The following HNRNPM variants were observed in gnomAD, a reference collection of about 807,000 sequenced individuals.
HNRNPM encodes heterogeneous nuclear ribonucleoprotein M.
Under a neutral mutation model 73.1 loss-of-function variants are expected in HNRNPM, and 11 were observed. That is an observed-to-expected ratio of 0.15 (90% CI 0.09 to 0.25). HNRNPM has a LOEUF of 0.25. Among genes scored for constraint, HNRNPM ranks in the 10% least tolerant of loss-of-function variants. The pLI, the probability that HNRNPM is intolerant of heterozygous loss-of-function variation, is 1.00. For synonymous variants in HNRNPM, 407 were observed against 355.2 expected (o/e 1.15, Z -1.64); for missense variants, 789 against 1,067.9 (o/e 0.74, Z 3.64).
intron 12 of HNRNPM, among the ~76,000 whole-genome samples, chr19:8,479,340 A>G (rs1297796932): frequency 2.0e-5 from 3 of 151,766 alleles, no homozygotes. Context: ...CTGCCTCCCA[A>G]AGTGCTAGGA....
chr19:8,485,244 CT>C (rs1971194595), intron 13 of HNRNPM, among the ~76,000 whole-genome samples: 1 of 152,124 alleles, frequency 6.6e-6, no homozygotes, highest in Non-Finnish European at 1.5e-5. Flanking sequence ...ATGCCTCCCC[CT>C]GGAGCATTTC....
At chr19:8,465,599 A>T in intron 6 of HNRNPM, 84 bp downstream of exon 6, 2 of 908,588 alleles carry the variant, frequency 2.2e-6, no homozygotes, top group Non-Finnish European at 3.3e-6. Context: ...AGTAATTCTC[A>T]CATTTGAGAA....
At chr19:8,484,327 C>T (rs1158978308) in intron 13 of HNRNPM, among the ~76,000 whole-genome samples, 1 of 152,190 alleles carries the variant, frequency 6.6e-6, no homozygotes, top group Admixed American at 6.5e-5. Context: ...CGGGCGCACG[C>T]CACCATACCC....
intron 1 of HNRNPM, among the ~76,000 whole-genome samples, chr19:8,445,905 G>T (rs1000894417): frequency 6.6e-6 from 1 of 152,240 alleles, no homozygotes; most frequent in Admixed American, 6.5e-5. Context: ...GTCAGGAGGC[G>T]GGTTCATTTA....
intron 5 of HNRNPM, among the ~76,000 whole-genome samples, chr19:8,464,274 C>T (rs890225198): frequency 6.6e-6 from 1 of 151,982 alleles, no homozygotes; most frequent in Non-Finnish European, 1.5e-5. Flanking sequence ...GTTTGTTATT[C>T]CTCAAACCTG....
At chr19:8,446,021 C>T (rs777295416) in intron 1 of HNRNPM, among the ~76,000 whole-genome samples, 1 of 152,090 alleles carries the variant, frequency 6.6e-6, no homozygotes, top group Non-Finnish European at 1.5e-5. Flanking sequence ...CCCGGTGAAA[C>T]TCATTCATTC....
At chr19:8,463,709 G>C (rs562193365) in intron 5 of HNRNPM, 23 bp downstream of exon 5, 1 of 1,438,218 alleles carries the variant, frequency 7.0e-7, no homozygotes, top group Non-Finnish European at 9.8e-7. Flanking sequence ...TTAACACTGC[G>C]GATACTGTGT....
chr19:8,448,862 G>T (rs970119840), intron 1 of HNRNPM, among the ~76,000 whole-genome samples: 2 of 152,074 alleles, frequency 1.3e-5, no homozygotes, highest in African/African-American at 2.4e-5. Flanking sequence ...ATTTAGGGTA[G>T]ATTCCTGAGG....
intron 1 of HNRNPM, among the ~76,000 whole-genome samples, chr19:8,451,063 C>T (rs1267532121): frequency 6.6e-6 from 1 of 152,140 alleles, no homozygotes; most frequent in South Asian, 2.1e-4. Context: ...CCTGCCACCA[C>T]GCCCAGCTAA....
chr19:8,473,743 C>T (rs771967222), intron 11 of HNRNPM, 35 bp downstream of exon 11: 2 of 1,223,676 alleles, frequency 1.6e-6, no homozygotes, highest in East Asian at 2.3e-5. Flanking sequence ...AGCATAATCA[C>T]TTTTAGGCAT....
Position 8,467,544 on chromosome 19 carries a change from A to G in HNRNPM, c.794A>G (p.Asn265Ser), listed in dbSNP as rs772526474. ...IEAVQAISMF[N>S]GQLLFDRPMH... ...TTAATTGTAATACCAGCTATGTTCA[A>G]TGGCCAGCTGCTATTTGATAGACCA... Residue 265 changes from asparagine (N) to serine (S), a missense_variant, in exon 8 of 16, where the codon AAT becomes AGT. Around this residue, in one of 4 missense-constraint regions of HNRNPM, gnomAD observed 604 missense variants for 744.0 expected, o/e 0.81. Transcript: ENST00000325495. 52 of 1,611,828 alleles carry G rather than the reference A, an allele frequency of 3.2e-5. No homozygotes were observed. Among genetic ancestry groups the G allele is most frequent in the African/African-American group, 6.7e-5 (5 of 74,888 alleles).
At chr19:8,476,963 G>C (rs1970553207) in intron 12 of HNRNPM, among the ~76,000 whole-genome samples, 1 of 140,898 alleles carries the variant, frequency 7.1e-6, no homozygotes, top group Non-Finnish European at 1.5e-5. Flanking sequence ...GAGGTCACTT[G>C]GGTTAATTCA....
chr19:8,467,687 C>CGAA, intron 8 of HNRNPM, 103 bp downstream of exon 8: 1 of 912,826 alleles, frequency 1.1e-6, no homozygotes, highest in Non-Finnish European at 1.8e-6. Context: ...GTGGATTAGT[C>CGAA]TAAGTTAAAT....
In HNRNPM at chr19:8,486,029, C is replaced by T; in HGVS notation, c.1601C>T (p.Pro534Leu). The T allele has an allele frequency of 6.2e-7, 1 of 1,604,772 alleles. No homozygotes were observed. Among genetic ancestry groups the T allele is most frequent in the Non-Finnish European group, 8.5e-7 (1 of 1,178,928 alleles). Reference sequence around the variant, plus strand: ...GGCCTGAGCATGGAGCGCATGGTGCCCGCAGGTATGGGAGCTGGCCTGGAG... The same window carrying T: ...GGCCTGAGCATGGAGCGCATGGTGCTCGCAGGTATGGGAGCTGGCCTGGAG... ...RMGLSMERMV[P>L]AGMGAGLERM... Residue 534 changes from proline (P) to leucine (L), a missense_variant, in exon 14 of 16, where the codon CCC (proline) becomes CTC (leucine). Physicochemically the swap from Pro to Leu is moderately conservative, Grantham distance 98. Around this residue, in one of 4 missense-constraint regions of HNRNPM, gnomAD observed 604 missense variants for 744.0 expected, o/e 0.81. Coordinates refer to ENST00000325495, the MANE Select transcript of HNRNPM (RefSeq NM_005968.5).
intron 12 of HNRNPM, among the ~76,000 whole-genome samples, chr19:8,474,788 C>T (rs1278619121): frequency 2.0e-5 from 3 of 150,302 alleles, no homozygotes; most frequent in African/African-American, 7.4e-5. Context: ...GATCTTGGCT[C>T]ACTGCAACCT....
At chr19:8,481,023 C>A (rs1428447089) in intron 12 of HNRNPM, among the ~76,000 whole-genome samples, 1 of 152,158 alleles carries the variant, frequency 6.6e-6, no homozygotes, top group Non-Finnish European at 1.5e-5. Context: ...TTTCAAGATT[C>A]AATTCTTGAC....
Position 8,489,060 on chromosome 19 carries a change from T to C in HNRNPM, c.*206T>C. The C allele has an allele frequency of 1.9e-6, 1 of 518,092 alleles. No homozygotes were observed. Among genetic ancestry groups the C allele is most frequent in the South Asian group, 2.4e-5 (1 of 41,654 alleles). The allele number at this position is 518,092 out of a possible 1,614,324, so 32.1% of individuals were successfully genotyped here. Reference sequence around the variant, plus strand: ...ATGTGCGCAATTTTTTTTGTAGTTGTGGCATCTTGTTGACATCGAATATGA... The same window carrying C: ...ATGTGCGCAATTTTTTTTGTAGTTGCGGCATCTTGTTGACATCGAATATGA... On this transcript the variant is annotated 3_prime_UTR_variant, in exon 16 of 16. Coordinates refer to ENST00000325495, the MANE Select transcript of HNRNPM (RefSeq NM_005968.5).
At chr19:8,470,370 C>G (rs1410121860) in intron 9 of HNRNPM, among the ~76,000 whole-genome samples, 1 of 152,188 alleles carries the variant, frequency 6.6e-6, no homozygotes, top group African/African-American at 2.4e-5. Flanking sequence ...CTCTGTCGCC[C>G]AGGCTGGAGT....
Position 8,449,911 on chromosome 19 carries a change from C to T in HNRNPM, c.113+4800C>T, listed in dbSNP as rs116338304. On this transcript the variant is annotated intron_variant, in intron 1 of 15. Transcript: ENST00000325495. ...CGAGGCCTAGTGACGACATGGTGACCCCAGCTCTTAGCCACATGCAGTACT... is the reference window on the plus strand; with the variant it reads ...CGAGGCCTAGTGACGACATGGTGACTCCAGCTCTTAGCCACATGCAGTACT... 4.7e-3 allele frequency among the ~76,000 whole-genome samples: 710 copies of T among 152,232 alleles called. 7 individuals carry two copies. The highest frequency in any genetic ancestry group is 0.016 in the African/African-American group (668 of 41,514).
Sources: allele counts gnomAD v4.1 joint callset (sites outside exome capture counted in the v4.1 genomes callset), GRCh38; gene constraint gnomAD v4.1.1; regional missense constraint gnomAD v4.1.1; transcripts MANE v1.5; gene names NCBI Gene and HGNC (gene_info 2026-07-23, HGNC 2026-07-21).